The following UBAP2 variants were observed in gnomAD, a reference collection of about 807,000 sequenced individuals.
UBAP2 encodes ubiquitin-associated protein 2.
A neutral mutation model predicts 139.6 loss-of-function variants in UBAP2; 75 were observed. The observed-to-expected ratio is 0.54, with a 90% CI of 0.45 to 0.65. The LOEUF is 0.65. Among genes scored for constraint, UBAP2 ranks in the 30% least tolerant of loss-of-function variants. The pLI is 0.00. For missense variants in UBAP2, 1,368 were observed against 1,369.6 expected (o/e 1.00, Z 0.02); for synonymous variants, 526 against 526.2 (o/e 1.00, Z 0.01).
At chr9:33,943,688 T>TACTG (rs1825423781) in intron 14 of UBAP2, 99 bp from the exon 15 acceptor site, 2 of 1,101,660 alleles carry the variant, frequency 1.8e-6, no homozygotes, top group African/African-American at 3.1e-5. Context: ...TCCCAGGCAA[T>TACTG]ACTGGCAAGA....
chr9:33,973,211 C>T lies in UBAP2; in HGVS notation c.547G>A (p.Ala183Thr), dbSNP rs1440691570. The T allele has an allele frequency of 1.9e-6, 3 of 1,613,708 alleles. No homozygotes were observed. Among genetic ancestry groups the T allele is most frequent in the Non-Finnish European group, 2.5e-6 (3 of 1,179,868 alleles). ...ATGCCTTGGGTTGAGAACCTTCCTGCCCCTCTCCCTCTGCCACGTCCAAAT... is the reference window on the plus strand; with the variant it reads ...ATGCCTTGGGTTGAGAACCTTCCTGTCCCTCTCCCTCTGCCACGTCCAAAT... ...RGFGRGRGRG[A>T]GRFSTQGMGT... The change falls in exon 7 of 29, where the codon GCA (alanine) becomes ACA (threonine). Residue 183 changes from alanine to threonine, a missense_variant. Physicochemically the swap from Ala to Thr is moderately conservative, Grantham distance 58 (BLOSUM62 0). Coordinates refer to ENST00000379238, the MANE Select transcript of UBAP2 (RefSeq NM_001370062.2).
chr9:34,001,703 G>A (rs949475068), intron 2 of UBAP2, among the ~76,000 whole-genome samples: 2 of 152,160 alleles, frequency 1.3e-5, no homozygotes, highest in Admixed American at 1.3e-4. Flanking sequence ...CCTGTTGCAA[G>A]AAGCCTGTAT....
chr9:34,022,285 T>G (rs1345226001), intron 1 of UBAP2, among the ~76,000 whole-genome samples: 1 of 151,844 alleles, frequency 6.6e-6, no homozygotes, highest in Non-Finnish European at 1.5e-5. Flanking sequence ...GCACTAATAC[T>G]CTGCAATTCC....
At chr9:33,932,805 G>A (rs921012703) in intron 18 of UBAP2, among the ~76,000 whole-genome samples, 177 bp from the exon 19 acceptor site, 11 of 152,172 alleles carry the variant, frequency 7.2e-5, no homozygotes, top group Admixed American at 2.6e-4. Context: ...CCTGGTGGAC[G>A]GGAATGACTC....
Position 33,923,892 on chromosome 9 carries a change from G to A in UBAP2, c.2699C>T (p.Pro900Leu). 2 of 1,614,194 alleles carry A rather than the reference G, an allele frequency of 1.2e-6. No individual in the cohort carries two copies. The highest frequency in any genetic ancestry group is 1.7e-6 in the Non-Finnish European group (2 of 1,180,014). ...QSQTHHTAQQ[P>L]FVNPALPPGY... is the part of the protein sequence containing the mutation. ...AGGTGGCAGTGCAGGATTCACGAAG[G>A]GCTGCTGGGCTGTGTGGTGGGTCTG... The change falls in exon 24 of 29, where the codon CCC (proline) becomes CTC (leucine). Residue 900 changes from proline (P) to leucine (L), a missense_variant. Transcript: ENST00000379238.
In UBAP2 at chr9:33,943,270, T is replaced by C; in HGVS notation, c.1715+150A>G. 5 of 667,072 alleles carry C rather than the reference T, an allele frequency of 7.5e-6. No homozygotes were observed. The South Asian group carries it at 1.9e-4, about 25-fold the overall frequency. 41.3% of individuals were successfully genotyped at this position (667,072 alleles called of 1,614,324 possible). A position where few individuals can be genotyped will look rare whatever the true frequency, so the allele number is the denominator to read the frequency against. On this transcript the variant is annotated intron_variant, in intron 15 of 28. Coordinates refer to ENST00000379238, the MANE Select transcript of UBAP2 (RefSeq NM_001370062.2). The stretch of plus-strand genomic sequence containing the variant: ...GGCAGGGCAATGAAGAAACTGAGAC[T>C]GTCTGCTACAGGTATGGGGTTTCTT...
At chr9:34,020,038 T>TA (rs1824778419) in intron 1 of UBAP2, among the ~76,000 whole-genome samples, 1 of 150,128 alleles carries the variant, frequency 6.7e-6, no homozygotes, top group Admixed American at 6.7e-5. Context: ...CAGACGCCTG[T>TA]AATCCCAGCT....
intron 2 of UBAP2, among the ~76,000 whole-genome samples, chr9:34,009,366 T>G (rs1165743956): frequency 6.6e-6 from 1 of 152,070 alleles, no homozygotes; most frequent in Non-Finnish European, 1.5e-5. Context: ...CCCAAAGTGC[T>G]GGGATTACAG....
chr9:34,015,992 G>T (rs1424885803), intron 2 of UBAP2, among the ~76,000 whole-genome samples: 1 of 152,128 alleles, frequency 6.6e-6, no homozygotes, highest in Non-Finnish European at 1.5e-5. Context: ...AAAGTCTATT[G>T]TAATTCAGGT....
chr9:33,981,998 G>A (rs1820808234), intron 6 of UBAP2, among the ~76,000 whole-genome samples: 1 of 152,150 alleles, frequency 6.6e-6, no homozygotes, highest in Non-Finnish European at 1.5e-5. Context: ...GGATACTGGT[G>A]AGAAGAACAG....
At chr9:34,049,126 G>C (rs577656695), upstream of UBAP2, among the ~76,000 whole-genome samples, 1 of 152,232 alleles carries the variant, frequency 6.6e-6, no homozygotes, top group Non-Finnish European at 1.5e-5. Flanking sequence ...TGTACTCGGA[G>C]TCATCAGGAG....
chr9:34,024,456 G>A (rs990080177), intron 1 of UBAP2, among the ~76,000 whole-genome samples: 1 of 152,076 alleles, frequency 6.6e-6, no homozygotes, highest in African/African-American at 2.4e-5. Flanking sequence ...TCTTCTGTCA[G>A]TTGTGCCTCT....
At chr9:34,029,718 G>A (rs1480586841) in intron 1 of UBAP2, among the ~76,000 whole-genome samples, 3 of 151,128 alleles carry the variant, frequency 2.0e-5, no homozygotes, top group East Asian at 4.0e-4. Flanking sequence ...GGCCAGGCAC[G>A]GTGGCTCACA....
At chr9:33,981,641 A>G (rs1429467396) in intron 6 of UBAP2, among the ~76,000 whole-genome samples, 1 of 151,896 alleles carries the variant, frequency 6.6e-6, no homozygotes, top group East Asian at 1.9e-4. Context: ...GGCATAAGCC[A>G]CTGTACTTGG....
intron 1 of UBAP2, among the ~76,000 whole-genome samples, chr9:34,044,910 T>A (rs1203274474): frequency 6.6e-6 from 1 of 152,104 alleles, no homozygotes; most frequent in African/African-American, 2.4e-5. Context: ...TAGTCTTAAA[T>A]AAAACACCTA....
At chr9:33,929,056 G>A (rs1025708272) in intron 19 of UBAP2, among the ~76,000 whole-genome samples, 1 of 152,174 alleles carries the variant, frequency 6.6e-6, no homozygotes, top group Non-Finnish European at 1.5e-5. Flanking sequence ...GCACAGATGG[G>A]CAGGACCAGG....
chr9:34,032,224 GC>G (rs1459455812), intron 1 of UBAP2, among the ~76,000 whole-genome samples: 1 of 152,062 alleles, frequency 6.6e-6, no homozygotes, highest in Non-Finnish European at 1.5e-5. Flanking sequence ...CGGCTCTCTC[GC>G]CAACCATGTT....
At chr9:33,933,400 G>C (rs760761826) in intron 18 of UBAP2, 90 bp downstream of exon 18, 1 of 1,424,464 alleles carries the variant, frequency 7.0e-7, no homozygotes, top group African/African-American at 1.4e-5. Flanking sequence ...GAGACAACAA[G>C]TGTGCTCTGT....
intron 19 of UBAP2, among the ~76,000 whole-genome samples, chr9:33,931,803 C>T (rs935634195): frequency 6.6e-6 from 1 of 152,088 alleles, no homozygotes; most frequent in Admixed American, 6.5e-5. Context: ...TCGTCTGCAC[C>T]CTAATCCTTC....
Sources: allele counts gnomAD v4.1 joint callset (sites outside exome capture counted in the v4.1 genomes callset), GRCh38; gene constraint gnomAD v4.1.1; transcripts MANE v1.5; gene names NCBI Gene and HGNC (gene_info 2026-07-23, HGNC 2026-07-21).